The following CHCHD6 variants were observed in gnomAD, a reference collection of about 807,000 sequenced individuals.
The protein encoded by CHCHD6 is MICOS complex subunit MIC25.
In CHCHD6, 28 loss-of-function variants were observed where a neutral mutation model predicts 32.3. The ratio of observed to expected loss-of-function variants is 0.87; its 90% CI spans 0.64 to 1.19. CHCHD6 has a LOEUF of 1.19. Among genes scored for constraint, CHCHD6 ranks in the 50% most tolerant of loss-of-function variants. The pLI is 0.00. For missense variants in CHCHD6, 333 were observed against 307.0 expected (o/e 1.08, Z -0.63); for synonymous variants, 122 against 117.5 (o/e 1.04, Z -0.25).
intron 5 of CHCHD6, among the ~76,000 whole-genome samples, chr3:126,873,837 C>T (rs1258164253): frequency 6.6e-6 from 1 of 152,172 alleles, no homozygotes; most frequent in Non-Finnish European, 1.5e-5. Context: ...CCCTCTGTAC[C>T]ACTGGGAACC....
At chr3:126,932,763 G>A (rs1218316692) in intron 6 of CHCHD6, among the ~76,000 whole-genome samples, 1 of 152,214 alleles carries the variant, frequency 6.6e-6, no homozygotes, top group Non-Finnish European at 1.5e-5. Flanking sequence ...GACCAGATCG[G>A]GCTGACACAG....
intron 4 of CHCHD6, among the ~76,000 whole-genome samples, chr3:126,796,587 G>A (rs1938801953): frequency 6.6e-6 from 1 of 152,158 alleles, no homozygotes; most frequent in African/African-American, 2.4e-5. Context: ...GAGTATCAGT[G>A]TACAGTGGCT....
chr3:126,867,923 C>T (rs895394490), intron 5 of CHCHD6, among the ~76,000 whole-genome samples: 5 of 152,264 alleles, frequency 3.3e-5, no homozygotes, highest in Non-Finnish European at 5.9e-5. Flanking sequence ...ATCAGTGGCT[C>T]TCACTGCATT....
chr3:126,867,440 C>T (rs985865831), intron 5 of CHCHD6, among the ~76,000 whole-genome samples: 10 of 152,174 alleles, frequency 6.6e-5, no homozygotes, highest in South Asian at 2.1e-4. Context: ...TAGGTACTTA[C>T]GGGTTGAAGA....
At chr3:126,811,992 C>T (rs1048501914) in intron 4 of CHCHD6, among the ~76,000 whole-genome samples, 1 of 152,098 alleles carries the variant, frequency 6.6e-6, no homozygotes, top group Non-Finnish European at 1.5e-5. Context: ...CTCTACCATG[C>T]TGCTTGTGGT....
intron 1 of CHCHD6, among the ~76,000 whole-genome samples, chr3:126,725,605 A>G (rs1935493116): frequency 6.6e-6 from 1 of 152,240 alleles, no homozygotes; most frequent in African/African-American, 2.4e-5. Context: ...GAAGCCAGGC[A>G]TTGATTTCTC....
intron 4 of CHCHD6, among the ~76,000 whole-genome samples, chr3:126,735,612 C>A (rs1936009711): frequency 6.6e-6 from 1 of 152,168 alleles, no homozygotes; most frequent in Non-Finnish European, 1.5e-5. Context: ...GCTTGCACCT[C>A]ATGCCTGAGG....
At chr3:126,749,797 G>T (rs899115784) in intron 4 of CHCHD6, among the ~76,000 whole-genome samples, 1 of 152,220 alleles carries the variant, frequency 6.6e-6, no homozygotes, top group African/African-American at 2.4e-5. Context: ...GACATACCCT[G>T]TTGGCCAGAA....
intron 4 of CHCHD6, among the ~76,000 whole-genome samples, chr3:126,801,358 C>T (rs538937732): frequency 7.6e-4 from 115 of 152,314 alleles, no homozygotes; most frequent in Non-Finnish European, 1.4e-3. Context: ...CACTCCCACC[C>T]GATACTGCAC....
chr3:126,794,768 G>A (rs1046434816), intron 4 of CHCHD6, among the ~76,000 whole-genome samples: 6 of 152,060 alleles, frequency 3.9e-5, no homozygotes, highest in Non-Finnish European at 7.4e-5. Flanking sequence ...GGACTTCTTA[G>A]AATAGTATCA....
intron 4 of CHCHD6, among the ~76,000 whole-genome samples, chr3:126,835,240 G>A (rs1940806958): frequency 1.3e-5 from 2 of 152,104 alleles, no homozygotes; most frequent in South Asian, 4.2e-4. Context: ...CCAGGTGTAG[G>A]TGCCAACAGC....
At position 126,867,648 on chromosome 3, in the gene CHCHD6, T is replaced by G. The variant is rs533242783; in HGVS notation, c.495+14918T>G. ...GATATTTTTCTCTGCCCTTTGGCCC[T>G]TGGGGAGGGGGGCATGCTGAGAAAG... On this transcript the variant is annotated intron_variant, in intron 5 of 7. Coordinates refer to ENST00000290913, the MANE Select transcript of CHCHD6 (RefSeq NM_032343.3). Among the ~76,000 whole-genome samples the G allele has an allele frequency of 5.9e-4, 90 of 152,364 alleles. 1 individual carries two copies. Among genetic ancestry groups the G allele is most frequent in the Non-Finnish European group, 1.2e-3 (82 of 68,034 alleles).
At chr3:126,931,969 G>A (rs2078412988) in intron 6 of CHCHD6, among the ~76,000 whole-genome samples, 1 of 152,204 alleles carries the variant, frequency 6.6e-6, no homozygotes, top group Middle Eastern at 3.2e-3. Flanking sequence ...AAGTTGCTGG[G>A]CTGGAAGCGG....
chr3:126,800,735 A>G (rs1030529974), intron 4 of CHCHD6, among the ~76,000 whole-genome samples: 6 of 152,226 alleles, frequency 3.9e-5, no homozygotes, highest in African/African-American at 1.2e-4. Context: ...ATCATACTCA[A>G]GACAGGCTGA....
At chr3:126,798,526 T>C (rs557460243) in intron 4 of CHCHD6, among the ~76,000 whole-genome samples, 1 of 152,324 alleles carries the variant, frequency 6.6e-6, no homozygotes, top group South Asian at 2.1e-4. Flanking sequence ...GTTTTTCCTT[T>C]GTGGCAGGCC....
intron 1 of CHCHD6, among the ~76,000 whole-genome samples, chr3:126,722,714 G>T (rs1167028433): frequency 2.6e-5 from 4 of 152,066 alleles, no homozygotes; most frequent in African/African-American, 9.7e-5. Context: ...TCCTTATCAG[G>T]TATATGATTT....
intron 4 of CHCHD6, among the ~76,000 whole-genome samples, chr3:126,841,714 C>T (rs1941089380): frequency 3.3e-5 from 5 of 151,110 alleles, no homozygotes; most frequent in Admixed American, 3.3e-4. Flanking sequence ...GAGATCAGCC[C>T]AGCAACATAG....
intron 4 of CHCHD6, among the ~76,000 whole-genome samples, chr3:126,759,703 A>G (rs1311732234): frequency 1.3e-5 from 2 of 152,212 alleles, no homozygotes; most frequent in Non-Finnish European, 2.9e-5. Flanking sequence ...CAGGAGATAC[A>G]TGATGGCAGC....
At chr3:126,836,387 C>T (rs1940863074) in intron 4 of CHCHD6, among the ~76,000 whole-genome samples, 1 of 152,222 alleles carries the variant, frequency 6.6e-6, no homozygotes, top group South Asian at 2.1e-4. Flanking sequence ...TCAAATGTCA[C>T]CTCCTGAGAG....
Sources: gnomAD v4.1 joint callset for allele counts (sites outside exome capture counted in the v4.1 genomes callset) on GRCh38, gnomAD v4.1.1 for gene constraint, MANE v1.5 for transcripts, NCBI Gene and HGNC (gene_info 2026-07-23, HGNC 2026-07-21) for gene names.